PKNOX2: variants seen among roughly 807,000 people sequenced by gnomAD.
The protein encoded by PKNOX2 is homeobox protein PKNOX2.
In PKNOX2, 14 loss-of-function variants were observed where a neutral mutation model predicts 53.1. The observed-to-expected ratio is 0.26, with a 90% CI of 0.17 to 0.41. The LOEUF (loss-of-function observed/expected upper bound fraction) is 0.41, where lower values mean the gene tolerates loss of function less well. PKNOX2 is among the 10% of genes least tolerant of loss of function. The pLI is 1.00. For missense variants in PKNOX2, 496 were observed against 602.8 expected (o/e 0.82, Z 1.85); for synonymous variants, 257 against 242.8 (o/e 1.06, Z -0.54).
chr11:125,338,310 G>A (rs950064620), intron 3 of PKNOX2, among the ~76,000 whole-genome samples: 14 of 152,160 alleles, frequency 9.2e-5, no homozygotes, highest in Non-Finnish European at 1.8e-4. Flanking sequence ...TTTTTCTCAC[G>A]TTTATGAACT....
intron 7 of PKNOX2, among the ~76,000 whole-genome samples, chr11:125,398,347 C>A (rs1035822230): frequency 6.6e-6 from 1 of 152,200 alleles, no homozygotes; most frequent in East Asian, 1.9e-4. Flanking sequence ...CCCAAGGTAT[C>A]CCCCAGAATG....
At chr11:125,299,893 C>T (rs1947920056) in intron 2 of PKNOX2, among the ~76,000 whole-genome samples, 1 of 152,214 alleles carries the variant, frequency 6.6e-6, no homozygotes, top group Admixed American at 6.5e-5. Context: ...TGGTCTCTTC[C>T]CCATCTCACC....
chr11:125,214,429 C>CT (rs1940235285), intron 1 of PKNOX2, among the ~76,000 whole-genome samples: 1 of 152,082 alleles, frequency 6.6e-6, no homozygotes, highest in African/African-American at 2.4e-5. Context: ...TGTTGTCAGC[C>CT]TCTTTTCTTC....
chr11:125,265,181 G>A (rs1326707287), intron 2 of PKNOX2, among the ~76,000 whole-genome samples: 1 of 152,152 alleles, frequency 6.6e-6, no homozygotes, highest in Admixed American at 6.5e-5. Context: ...CAGCTACTCG[G>A]AAGGCTGAGG....
In PKNOX2 at chr11:125,240,034, T is replaced by C. The variant is rs758067424; in HGVS notation, c.-130+4919T>C. 3 of 152,262 alleles carry C rather than the reference T, an allele frequency of 2.0e-5. No homozygotes were observed. Among genetic ancestry groups the C allele is most frequent in the Non-Finnish European group, 4.4e-5 (3 of 68,056 alleles). The allele number at this position is 152,262 out of a possible 1,614,324, so 9.4% of individuals were successfully genotyped here. On this transcript the variant is annotated intron_variant, in intron 2 of 12. Transcript: ENST00000298282. This position sits in a 1 kb window ranked among gnomAD's most constrained non-coding sequence, Gnocchi z 4.3. ...CCTCCTGAGCTAGGAGATTGCAATT[T>C]ACATTATGCAAATAGACGTTATGCA... is the stretch of plus-strand genomic sequence containing the variant.
At chr11:125,312,201 T>A (rs1948850250) in intron 2 of PKNOX2, among the ~76,000 whole-genome samples, 1 of 152,166 alleles carries the variant, frequency 6.6e-6, no homozygotes, top group South Asian at 2.1e-4. Flanking sequence ...GGTGGAGTGC[T>A]GTGTGCGGGT....
chr11:125,395,390 C>G (rs1954317378), intron 6 of PKNOX2, among the ~76,000 whole-genome samples: 1 of 152,170 alleles, frequency 6.6e-6, no homozygotes, highest in African/African-American at 2.4e-5. Flanking sequence ...AATTTGTATA[C>G]AGGTTTTTGT....
intron 12 of PKNOX2, 122 bp downstream of exon 12, chr11:125,430,263 C>T (rs1956635093): frequency 5.1e-6 from 6 of 1,176,004 alleles, no homozygotes; most frequent in African/African-American, 3.1e-5. Flanking sequence ...CGCTGCCATG[C>T]CACAGTGATT....
intron 1 of PKNOX2, among the ~76,000 whole-genome samples, chr11:125,176,446 C>T (rs916048400): frequency 6.6e-6 from 1 of 152,182 alleles, no homozygotes; most frequent in African/African-American, 2.4e-5. Context: ...CGTTCAAGTT[C>T]CGTGGGTAAT....
chr11:125,241,392 C>T (rs1943135301), intron 2 of PKNOX2, among the ~76,000 whole-genome samples: 2 of 152,192 alleles, frequency 1.3e-5, no homozygotes, highest in African/African-American at 2.4e-5. Flanking sequence ...ACAGGCCTTC[C>T]CAGCCTCCCC....
intron 2 of PKNOX2, among the ~76,000 whole-genome samples, chr11:125,277,320 A>G (rs1288423719): frequency 6.6e-6 from 1 of 152,232 alleles, no homozygotes. Context: ...CAGACAGGTC[A>G]TCTTCATGGA....
At chr11:125,351,243 C>T in intron 3 of PKNOX2, 41 bp from the exon 4 acceptor site, 2 of 874,646 alleles carry the variant, frequency 2.3e-6, no homozygotes, top group South Asian at 2.8e-5. Context: ...CGGGCCTGCT[C>T]AGCGGTGTTA....
intron 4 of PKNOX2, among the ~76,000 whole-genome samples, chr11:125,359,301 G>C (rs904421202): frequency 3.9e-5 from 6 of 152,104 alleles, no homozygotes; most frequent in Non-Finnish European, 7.4e-5. Context: ...GTTAGCGAAG[G>C]GTCCCTCTGC....
Position 125,293,887 on chromosome 11 carries a change from C to T in PKNOX2, c.-129-37932C>T, listed in dbSNP as rs116445157. On this transcript the variant is annotated intron_variant, in intron 2 of 12. Transcript: ENST00000298282. ...GGAACATCTCCCATCTCCCTCTTAC[C>T]GCTTACTCAAATGTCTTCAAAATGG... is the stretch of plus-strand genomic sequence containing the variant. 7.2e-3 allele frequency among the ~76,000 whole-genome samples: 1,091 copies of T among 152,198 alleles called. 26 individuals are homozygous for T. Among genetic ancestry groups the T allele is most frequent in the African/African-American group, 0.025 (1,037 of 41,544 alleles).
At chr11:125,192,043 AG>A (rs1208412250) in intron 1 of PKNOX2, among the ~76,000 whole-genome samples, 1 of 151,788 alleles carries the variant, frequency 6.6e-6, no homozygotes, top group African/African-American at 2.4e-5. Flanking sequence ...GAGCAGAGAG[AG>A]GGATTATTGT....
chr11:125,343,498 A>T (rs1025866835), intron 3 of PKNOX2, among the ~76,000 whole-genome samples: 9 of 152,178 alleles, frequency 5.9e-5, no homozygotes, highest in Non-Finnish European at 1.2e-4. Flanking sequence ...AAATGCTAAA[A>T]GCTGGAGGGG....
chr11:125,406,653 C>A (rs1955119499), intron 7 of PKNOX2, among the ~76,000 whole-genome samples: 1 of 152,122 alleles, frequency 6.6e-6, no homozygotes, highest in Non-Finnish European at 1.5e-5. Context: ...ACACTCAGAG[C>A]CAGAGGCCTT....
chr11:125,291,949 T>C (rs1263901761), intron 2 of PKNOX2, among the ~76,000 whole-genome samples: 2 of 151,822 alleles, frequency 1.3e-5, no homozygotes, highest in African/African-American at 4.8e-5. Context: ...GGGTGCAGAG[T>C]TTCTGTTTGG....
In PKNOX2 at chr11:125,404,429, G is replaced by A. The variant is rs562247483; in HGVS notation, c.589-5767G>A. Among the ~76,000 whole-genome samples, 3 of 152,328 alleles carry A rather than the reference G, an allele frequency of 2.0e-5. No individual in the cohort carries two copies. The South Asian group carries it at 6.2e-4, about 32-fold the overall frequency. ...AAGGCCCCCAACAGGAGTGGAACAA[G>A]AACAGGATTAGGTGGCTTGTTTACA... is the stretch of plus-strand genomic sequence containing the variant. On this transcript the variant is annotated intron_variant, in intron 7 of 12. Coordinates refer to ENST00000298282, the MANE Select transcript of PKNOX2 (RefSeq NM_001382323.2).
Sources: gnomAD v4.1 joint callset for allele counts (sites outside exome capture counted in the v4.1 genomes callset) on GRCh38, gnomAD v4.1.1 for gene constraint, Gnocchi (gnomAD v3.1) non-coding constraint, MANE v1.5 for transcripts, NCBI Gene and HGNC (gene_info 2026-07-23, HGNC 2026-07-21) for gene names.